Variants in NBEA observed in about 807,000 individuals in gnomAD.
NBEA encodes lysosomal-trafficking regulator 2.
A neutral mutation model predicts 343.4 loss-of-function variants in NBEA; 44 were observed. The ratio of observed to expected loss-of-function variants is 0.13; its 90% CI spans 0.10 to 0.16. The LOEUF (loss-of-function observed/expected upper bound fraction) is 0.16, where lower values mean the gene tolerates loss of function less well. Ranked by LOEUF, NBEA falls within the 10% of genes least tolerant of loss-of-function variation. NBEA has a pLI of 1.00. For missense variants in NBEA, 2,555 were observed against 3,631.3 expected (o/e 0.70, Z 7.62); for synonymous variants, 1,175 against 1,238.7 (o/e 0.95, Z 1.08).
intron 45 of NBEA, among the ~76,000 whole-genome samples, chr13:35,570,228 G>T (rs2080338578): frequency 6.6e-6 from 1 of 152,140 alleles, no homozygotes; most frequent in Non-Finnish European, 1.5e-5. Context: ...TAGAGACAGG[G>T]TTTCACTATG....
At position 34,942,459 on chromosome 13, in the gene NBEA, G is replaced by C; in HGVS notation, c.-362G>C. On this transcript the variant is annotated 5_prime_UTR_variant, in exon 1 of 59. Transcript: ENST00000379939. ...CGTCCTCGGGCTTCTCGGAGCGGCTGCAGCATCTCCGCGGGGGGCGGGCCG... is the reference window on the plus strand; with the variant it reads ...CGTCCTCGGGCTTCTCGGAGCGGCTCCAGCATCTCCGCGGGGGGCGGGCCG... The C allele has an allele frequency of 6.1e-6, 1 of 165,134 alleles. No individual in the cohort carries two copies. Among genetic ancestry groups the C allele is most frequent in the Non-Finnish European group, 1.3e-5 (1 of 76,436 alleles). The allele number at this position is 165,134 out of a possible 1,614,324, so 10.2% of individuals were successfully genotyped here.
chr13:35,447,524 A>G (rs987733393), intron 39 of NBEA, among the ~76,000 whole-genome samples: 10 of 152,076 alleles, frequency 6.6e-5, no homozygotes, highest in Admixed American at 2.6e-4. Context: ...AAGTCAGTCT[A>G]TGGAGTGCTT....
chr13:35,203,177 C>T (rs1274834239), intron 31 of NBEA, among the ~76,000 whole-genome samples: 2 of 152,070 alleles, frequency 1.3e-5, no homozygotes, highest in African/African-American at 4.8e-5. Flanking sequence ...TTCATGGTTT[C>T]TCATCCCTCT....
intron 33 of NBEA, among the ~76,000 whole-genome samples, chr13:35,227,632 T>C (rs1203737977): frequency 6.6e-6 from 1 of 152,080 alleles, no homozygotes; most frequent in Non-Finnish European, 1.5e-5. Context: ...ACTACCTATT[T>C]TATATGATTT....
intron 41 of NBEA, among the ~76,000 whole-genome samples, chr13:35,516,373 C>T (rs943509688): frequency 2.0e-5 from 3 of 152,002 alleles, no homozygotes; most frequent in East Asian, 3.9e-4. Flanking sequence ...AAATGCTACA[C>T]GTATATACCA....
At chr13:35,533,244 A>G (rs1056865214) in intron 41 of NBEA, among the ~76,000 whole-genome samples, 3 of 152,122 alleles carry the variant, frequency 2.0e-5, no homozygotes, top group Non-Finnish European at 2.9e-5. Context: ...CAATTTAATC[A>G]TGTTTTCAGT....
chr13:35,557,404 C>G (rs2079625433), intron 44 of NBEA, among the ~76,000 whole-genome samples: 2 of 152,092 alleles, frequency 1.3e-5, no homozygotes, highest in Admixed American at 1.3e-4. Flanking sequence ...CATTGTCATG[C>G]CTTCTAAAAG....
At chr13:35,611,271 T>C (rs1725115140) in intron 48 of NBEA, among the ~76,000 whole-genome samples, 1 of 152,164 alleles carries the variant, frequency 6.6e-6, no homozygotes, top group Admixed American at 6.6e-5. Flanking sequence ...AGCTGGAAAC[T>C]ACCCAAATAT....
chr13:35,066,350 C>T (rs1008377456), intron 8 of NBEA, among the ~76,000 whole-genome samples: 6 of 152,144 alleles, frequency 3.9e-5, no homozygotes, highest in Admixed American at 3.3e-4. Context: ...TTGTTCAAAT[C>T]TTCAGTTTCC....
In NBEA at chr13:35,177,055, T is replaced by G. The variant is rs181180541; in HGVS notation, c.4614T>G (p.Leu1538=). The G allele has an allele frequency of 2.7e-4, 429 of 1,606,194 alleles. 4 individuals carry two copies. In the East Asian group the frequency reaches 6.5e-3, roughly 24 times the overall value. ...LSPIKDPDRL[L]QDVDINRLRA... is the part of the protein sequence containing the mutation. The stretch of plus-strand genomic sequence containing the variant: ...CTATTAAGGATCCGGATAGACTTCT[T>G]CAGGATGTTGATATCAATCGCCTTC... The change falls in exon 28 of 59, where the codon CTT becomes CTG. Residue 1538 remains leucine, a synonymous_variant. Transcript: ENST00000379939.
At chr13:35,213,901 T>G (rs2073923816) in intron 33 of NBEA, among the ~76,000 whole-genome samples, 1 of 151,990 alleles carries the variant, frequency 6.6e-6, no homozygotes, top group African/African-American at 2.4e-5. Flanking sequence ...CTGTTTGTTA[T>G]TCACTCCTAT....
At chr13:34,957,530 A>G (rs1053407613) in intron 1 of NBEA, among the ~76,000 whole-genome samples, 2 of 152,200 alleles carry the variant, frequency 1.3e-5, no homozygotes, top group African/African-American at 4.8e-5. Flanking sequence ...CTTTATCTAA[A>G]GCAAAATACC....
intron 36 of NBEA, among the ~76,000 whole-genome samples, chr13:35,334,478 C>T (rs1190703272): frequency 6.6e-6 from 1 of 152,166 alleles, no homozygotes; most frequent in Admixed American, 6.5e-5. Flanking sequence ...CCCTGTTGGC[C>T]AGGCTAGTCT....
intron 18 of NBEA, among the ~76,000 whole-genome samples, chr13:35,152,374 C>T (rs1455311053): frequency 6.6e-6 from 1 of 152,086 alleles, no homozygotes; most frequent in Non-Finnish European, 1.5e-5. Flanking sequence ...AAAAGAAAGT[C>T]ACAAAGTTAG....
chr13:35,393,083 C>A (rs1476120291), intron 38 of NBEA, among the ~76,000 whole-genome samples: 1 of 152,062 alleles, frequency 6.6e-6, no homozygotes, highest in Non-Finnish European at 1.5e-5. Flanking sequence ...TCTAGACTAA[C>A]CCTACCAATA....
intron 18 of NBEA, among the ~76,000 whole-genome samples, chr13:35,145,368 C>A (rs2068355751): frequency 6.6e-6 from 1 of 152,060 alleles, no homozygotes; most frequent in Admixed American, 6.5e-5. Context: ...TAGGATGTAC[C>A]CCAGATATTT....
chr13:35,386,235 T>TA (rs934177494), intron 38 of NBEA, among the ~76,000 whole-genome samples: 3 of 152,188 alleles, frequency 2.0e-5, no homozygotes, highest in Admixed American at 6.5e-5. Context: ...AACAAATACT[T>TA]ACACTTTGTT....
chr13:35,212,399 A>G (rs1283130686), intron 33 of NBEA, among the ~76,000 whole-genome samples: 1 of 151,986 alleles, frequency 6.6e-6, no homozygotes, highest in Admixed American at 6.6e-5. Flanking sequence ...TTATTAATTC[A>G]TTTTACTGAT....
intron 31 of NBEA, among the ~76,000 whole-genome samples, chr13:35,199,534 T>C (rs2072870997): frequency 6.6e-6 from 1 of 152,192 alleles, no homozygotes; most frequent in African/African-American, 2.4e-5. Flanking sequence ...AGAATTCATG[T>C]AGGATTTTAC....
Sources: allele counts gnomAD v4.1 joint callset (sites outside exome capture counted in the v4.1 genomes callset), GRCh38; gene constraint gnomAD v4.1.1; transcripts MANE v1.5; gene names NCBI Gene and HGNC (gene_info 2026-07-23, HGNC 2026-07-21).